Variants in TMEM117 observed in about 807,000 individuals in gnomAD.
TMEM117 encodes transmembrane protein 117.
In TMEM117, 27 loss-of-function variants were observed where a neutral mutation model predicts 52.4. That is an observed-to-expected ratio of 0.51 (90% CI 0.38 to 0.71). The LOEUF (loss-of-function observed/expected upper bound fraction) is 0.71. TMEM117 is among the 30% of genes least tolerant of loss of function. The pLI is 0.00. For synonymous variants in TMEM117, 215 were observed against 206.3 expected (o/e 1.04, Z -0.36); for missense variants, 556 against 630.5 (o/e 0.88, Z 1.26).
chr12:44,205,424 C>T (rs187381139), intron 4 of TMEM117, among the ~76,000 whole-genome samples: 3 of 152,238 alleles, frequency 2.0e-5, no homozygotes, highest in Admixed American at 2.0e-4. Context: ...TATAAATTAC[C>T]CAGTCTTGGG....
intron 7 of TMEM117, among the ~76,000 whole-genome samples, chr12:44,384,153 A>C (rs1388780160): frequency 6.6e-6 from 1 of 152,164 alleles, no homozygotes; most frequent in Non-Finnish European, 1.5e-5. Flanking sequence ...GTAACGACAC[A>C]GTGTGTGGGA....
chr12:44,374,412 A>G (rs957401730), intron 6 of TMEM117, among the ~76,000 whole-genome samples: 25 of 152,118 alleles, frequency 1.6e-4, no homozygotes, highest in African/African-American at 5.8e-4. Flanking sequence ...AAATTCTTAC[A>G]TGGCACCACC....
Position 44,388,718 on chromosome 12 carries a change from T to C in TMEM117, c.*46T>C, listed in dbSNP as rs1565787058. On this transcript the variant is annotated 3_prime_UTR_variant, in exon 8 of 8. Transcript: ENST00000266534. ...ATAACACAAAAAGCAACCTTGAGTG[T>C]AACTTTAAAAATTTAGTCTTTCCTT... 1 of 1,577,422 alleles carries C rather than the reference T, an allele frequency of 6.3e-7. No homozygotes were observed.
intron 6 of TMEM117, among the ~76,000 whole-genome samples, chr12:44,336,837 T>C (rs1051108815): frequency 4.6e-5 from 7 of 152,062 alleles, no homozygotes; most frequent in Non-Finnish European, 1.0e-4. Flanking sequence ...CTACATCTTT[T>C]ACAATTATTC....
intron 5 of TMEM117, among the ~76,000 whole-genome samples, chr12:44,288,934 A>G (rs1950668074): frequency 6.6e-6 from 1 of 152,164 alleles, no homozygotes; most frequent in Non-Finnish European, 1.5e-5. Flanking sequence ...ATTATTAATT[A>G]TAGTCACCAT....
the TMEM117 span, among the ~76,000 whole-genome samples, chr12:43,829,842 C>G: frequency 6.6e-6 from 1 of 152,146 alleles, no homozygotes; most frequent in Non-Finnish European, 1.5e-5. Flanking sequence ...GTAATCCCAG[C>G]ACTTTGGGAG....
At chr12:43,857,325 T>TG (rs1943418006) in intron 2 of TMEM117, among the ~76,000 whole-genome samples, 1 of 150,676 alleles carries the variant, frequency 6.6e-6, no homozygotes, top group Non-Finnish European at 1.5e-5. Flanking sequence ...TTTTTTTTTT[T>TG]TTATTGTACT....
At chr12:43,941,680 C>A (rs1428552300) in intron 2 of TMEM117, among the ~76,000 whole-genome samples, 2 of 152,190 alleles carry the variant, frequency 1.3e-5, no homozygotes, top group Non-Finnish European at 2.9e-5. Context: ...TGACTGAACA[C>A]TTGGGTCATA....
At chr12:44,172,354 A>G (rs1326102173) in intron 4 of TMEM117, among the ~76,000 whole-genome samples, 7 of 152,124 alleles carry the variant, frequency 4.6e-5, no homozygotes, top group Admixed American at 4.6e-4. Flanking sequence ...TTGCCTCTTT[A>G]GCTTCTGATG....
chr12:44,086,539 T>C (rs1328502334), intron 3 of TMEM117, among the ~76,000 whole-genome samples: 2 of 152,062 alleles, frequency 1.3e-5, no homozygotes, highest in Non-Finnish European at 2.9e-5. Context: ...CTGCCTCCAT[T>C]GTACTTTGGT....
At chr12:43,892,914 T>C (rs541761040) in intron 2 of TMEM117, among the ~76,000 whole-genome samples, 1 of 152,326 alleles carries the variant, frequency 6.6e-6, no homozygotes, top group South Asian at 2.1e-4. Flanking sequence ...TCAGGGAGGC[T>C]TGTCTGAAAA....
At chr12:44,341,185 A>T (rs868466043) in intron 6 of TMEM117, among the ~76,000 whole-genome samples, 20 of 151,610 alleles carry the variant, frequency 1.3e-4, no homozygotes, top group Admixed American at 5.9e-4. Context: ...AAAAAATTTT[A>T]AAGTCAGAGT....
At chr12:43,961,032 T>C (rs11182348) in intron 3 of TMEM117, among the ~76,000 whole-genome samples, 6,882 of 152,216 alleles carry the variant, frequency 0.045, 220 homozygotes, top group Non-Finnish European at 0.071. Flanking sequence ...CAGCATTCTT[T>C]AGCCATGTGA....
At chr12:43,988,873 G>A (rs1945891654) in intron 3 of TMEM117, among the ~76,000 whole-genome samples, 1 of 152,080 alleles carries the variant, frequency 6.6e-6, no homozygotes, top group Admixed American at 6.6e-5. Context: ...ACGTAAATAA[G>A]AAACCACTGC....
rs890172611 is a variant in TMEM117, at chr12:44,065,519, C to T, written c.411-78006C>T. Among the ~76,000 whole-genome samples the T allele has an allele frequency of 4.6e-5, 7 of 152,088 alleles. No individual in the cohort carries two copies. In the East Asian group the frequency reaches 1.2e-3, roughly 25 times the overall value. ...TACAGTTTCTGGGACATATTTAGAG[C>T]TCATTACATATTTCTTAAAAACAAT... On this transcript the variant is annotated intron_variant, in intron 3 of 7. Coordinates refer to ENST00000266534, the MANE Select transcript of TMEM117 (RefSeq NM_032256.3).
intron 3 of TMEM117, among the ~76,000 whole-genome samples, chr12:44,007,463 C>A (rs1170292250): frequency 6.6e-6 from 1 of 151,974 alleles, no homozygotes; most frequent in African/African-American, 2.4e-5. Context: ...AATAATTTCA[C>A]AAGACACAGA....
chr12:44,175,644 G>C (rs1052618211), intron 4 of TMEM117, among the ~76,000 whole-genome samples: 5 of 152,152 alleles, frequency 3.3e-5, no homozygotes, highest in African/African-American at 1.2e-4. Flanking sequence ...GATGGCCAAG[G>C]TAAAGGCCCA....
At chr12:44,333,372 T>C (rs1395065809) in intron 6 of TMEM117, among the ~76,000 whole-genome samples, 4 of 152,040 alleles carry the variant, frequency 2.6e-5, no homozygotes, top group Non-Finnish European at 5.9e-5. Context: ...TAATGAATTA[T>C]AGAAATAAAT....
At position 44,313,063 on chromosome 12, in the gene TMEM117, G is replaced by A. The variant is rs975315984; in HGVS notation, c.768+13324G>A. ...GATATTTTCTCCAATACTGTGAGCT[G>A]TCTGTTTACTCTGCTTTTCATTTTG... On this transcript the variant is annotated intron_variant, in intron 6 of 7. Coordinates refer to ENST00000266534, the MANE Select transcript of TMEM117 (RefSeq NM_032256.3). Among the ~76,000 whole-genome samples the A allele has an allele frequency of 9.9e-5, 15 of 152,174 alleles. 1 individual carries two copies. Among genetic ancestry groups the A allele is most frequent in the Admixed American group, 2.6e-4 (4 of 15,282 alleles).
Sources: gnomAD v4.1 joint callset for allele counts (sites outside exome capture counted in the v4.1 genomes callset) on GRCh38, gnomAD v4.1.1 for gene constraint, MANE v1.5 for transcripts, NCBI Gene and HGNC (gene_info 2026-07-23, HGNC 2026-07-21) for gene names.